PIK3R3: variants seen among roughly 807,000 people sequenced by gnomAD.
The protein encoded by PIK3R3 is phosphoinositide-3-kinase regulatory subunit 3.
Under a neutral mutation model 62.9 loss-of-function variants are expected in PIK3R3, and 64 were observed. That is an observed-to-expected ratio of 1.02 (90% CI 0.83 to 1.25). The LOEUF (loss-of-function observed/expected upper bound fraction) is 1.25. Among genes scored for constraint, PIK3R3 ranks in the 50% most tolerant of loss-of-function variants. PIK3R3 has a pLI of 0.00. For synonymous variants in PIK3R3, 165 were observed against 189.0 expected, an observed-to-expected ratio of 0.87 and a Z score of 1.04; for missense variants, 614 against 561.6, an observed-to-expected ratio of 1.09 and a Z score of -0.94.
the PIK3R3 span, among the ~76,000 whole-genome samples, chr1:46,147,458 A>G: frequency 6.7e-6 from 1 of 149,714 alleles, no homozygotes; most frequent in Non-Finnish European, 1.5e-5. Context: ...TCGCTCTGTC[A>G]CCAGGCTGGA....
intron 2 of PIK3R3, 139 bp downstream of exon 2, chr1:46,080,503 C>T: frequency 1.5e-6 from 1 of 663,726 alleles, no homozygotes; most frequent in Non-Finnish European, 2.7e-6. Context: ...TCATGTGATT[C>T]TTCAGCCTCA....
the PIK3R3 span, among the ~76,000 whole-genome samples, chr1:46,155,771 T>A: frequency 8.1e-3 from 1,226 of 152,258 alleles, 12 homozygotes; most frequent in African/African-American, 0.018. Flanking sequence ...CTAATTTTTT[T>A]AAAAAATTTT....
chr1:46,067,277 T>TATATATATATATATATATATAA (rs368368491), intron 3 of PIK3R3, among the ~76,000 whole-genome samples, 186 bp from the exon 4 acceptor site: 25 of 147,326 alleles, frequency 1.7e-4, no homozygotes, highest in East Asian at 6.0e-4. Context: ...TATATATATA[T>TATATATATATATATATATATAA]AATTCATTTT....
intron 1 of PIK3R3, among the ~76,000 whole-genome samples, chr1:46,102,886 G>A (rs1350215139): frequency 6.8e-6 from 1 of 146,838 alleles, no homozygotes; most frequent in Non-Finnish European, 1.5e-5. Context: ...GTTCACAGGA[G>A]CACCATTCAC....
chr1:46,153,043 T>C, the PIK3R3 span, among the ~76,000 whole-genome samples: 1 of 152,226 alleles, frequency 6.6e-6, no homozygotes, highest in South Asian at 2.1e-4. Context: ...TGGAAGTCTA[T>C]ATCTACCTCC....
chr1:46,047,841 C>T (rs950851307), intron 7 of PIK3R3, among the ~76,000 whole-genome samples: 2 of 152,192 alleles, frequency 1.3e-5, no homozygotes, highest in Non-Finnish European at 2.9e-5. Context: ...AATGCAATGG[C>T]ACAATCTCGG....
intron 3 of PIK3R3, among the ~76,000 whole-genome samples, chr1:46,071,712 A>AAAAAAAAAAT (rs1472807815): frequency 4.1e-5 from 1 of 24,654 alleles, no homozygotes; most frequent in Non-Finnish European, 7.8e-5. Context: ...AAAAAAAAAA[A>AAAAAAAAAAT]ATATATATAT....
chr1:46,075,870 A>G (rs1404473818), intron 3 of PIK3R3, among the ~76,000 whole-genome samples: 4 of 152,210 alleles, frequency 2.6e-5, no homozygotes, highest in African/African-American at 9.7e-5. Context: ...CCAATGGTAT[A>G]ACTCTCAGTC....
At chr1:46,150,006 T>C in the PIK3R3 span, among the ~76,000 whole-genome samples, 1 of 152,240 alleles carries the variant, frequency 6.6e-6, no homozygotes, top group Admixed American at 6.5e-5. Context: ...CTTTACTTTC[T>C]TAATAAAGTA....
the PIK3R3 span, among the ~76,000 whole-genome samples, chr1:46,172,054 G>A: frequency 1.3e-5 from 2 of 152,114 alleles, no homozygotes; most frequent in East Asian, 3.9e-4. Flanking sequence ...GGCTGGAGCG[G>A]GAAGCCCTCC....
chr1:46,137,250 A>C (rs1342792282), upstream of PIK3R3, among the ~76,000 whole-genome samples: 2 of 152,218 alleles, frequency 1.3e-5, no homozygotes, highest in African/African-American at 2.4e-5. Flanking sequence ...GAAGATACAA[A>C]AGTGAATAAG....
At chr1:46,093,633 T>A (rs866233154) in intron 1 of PIK3R3, among the ~76,000 whole-genome samples, 1 of 152,116 alleles carries the variant, frequency 6.6e-6, no homozygotes, top group Admixed American at 6.6e-5. Flanking sequence ...CTCATGCATG[T>A]AATCCTAGCA....
intron 3 of PIK3R3, among the ~76,000 whole-genome samples, chr1:46,071,696 C>CA (rs1331276065): frequency 5.2e-4 from 9 of 17,248 alleles, no homozygotes; most frequent in Admixed American, 2.4e-3. Flanking sequence ...ACTCTGTCTC[C>CA]AAAAAAAAAA....
chr1:46,121,525 T>G (rs1480032113), intron 1 of PIK3R3, among the ~76,000 whole-genome samples: 1 of 152,210 alleles, frequency 6.6e-6, no homozygotes, highest in East Asian at 1.9e-4. Context: ...TTGGGCACGG[T>G]GGCTCACACC....
At chr1:46,052,791 C>G (rs977070284) in intron 7 of PIK3R3, among the ~76,000 whole-genome samples, 7 of 152,114 alleles carry the variant, frequency 4.6e-5, no homozygotes, top group African/African-American at 1.7e-4. Flanking sequence ...TAGTAGTACA[C>G]CAAGCTCTCA....
chr1:46,104,936 A>AC (rs1050965345), intron 1 of PIK3R3: 23 of 522,106 alleles, frequency 4.4e-5, no homozygotes, highest in African/African-American at 3.5e-4. Flanking sequence ...AAAAAAAAAA[A>AC]AAAAAAAAAA....
chr1:46,096,562 A>G (rs1056648295), intron 1 of PIK3R3, among the ~76,000 whole-genome samples: 8 of 152,274 alleles, frequency 5.3e-5, no homozygotes, highest in African/African-American at 1.9e-4. Flanking sequence ...CTTAAAAAGA[A>G]TAACTGGAAC....
chr1:46,070,513 T>C (rs1649386006), intron 3 of PIK3R3, among the ~76,000 whole-genome samples: 1 of 152,248 alleles, frequency 6.6e-6, no homozygotes, highest in Non-Finnish European at 1.5e-5. Context: ...AATTGTCATT[T>C]ACGAAACTGA....
chr1:46,172,785 G>A, the PIK3R3 span, among the ~76,000 whole-genome samples: 1 of 152,208 alleles, frequency 6.6e-6, no homozygotes, highest in Non-Finnish European at 1.5e-5. Context: ...TTTAGGCCAG[G>A]AGTTCAAGAC....
Sources: gnomAD v4.1 joint callset for allele counts (sites outside exome capture counted in the v4.1 genomes callset) on GRCh38, gnomAD v4.1.1 for gene constraint, MANE v1.5 for transcripts, NCBI Gene and HGNC (gene_info 2026-07-23, HGNC 2026-07-21) for gene names.